The following FRAS1 variants were observed in gnomAD, a reference collection of about 807,000 sequenced individuals.
The protein encoded by FRAS1 is extracellular matrix organizing protein FRAS1.
A neutral mutation model predicts 435.2 loss-of-function variants in FRAS1; 290 were observed. That is an observed-to-expected ratio of 0.67 (90% confidence interval 0.61 to 0.73). The LOEUF is 0.73. Ranked by LOEUF, FRAS1 falls within the 30% of genes least tolerant of loss-of-function variation. The pLI is 0.00. For missense variants in FRAS1, 4,860 were observed against 5,001.5 expected (o/e 0.97, Z 0.85); for synonymous variants, 1,800 against 1,851.0 (o/e 0.97, Z 0.71).
chr4:78,118,143 C>T (rs1455833310), intron 2 of FRAS1, among the ~76,000 whole-genome samples: 1 of 152,222 alleles, frequency 6.6e-6, no homozygotes, highest in Non-Finnish European at 1.5e-5. Flanking sequence ...TGCAGAACAG[C>T]AGATATTGGT....
At chr4:78,098,682 T>C (rs1244973932) in intron 2 of FRAS1, among the ~76,000 whole-genome samples, 3 of 152,234 alleles carry the variant, frequency 2.0e-5, no homozygotes, top group Non-Finnish European at 4.4e-5. Context: ...TTTGATGACA[T>C]GCACTAACGT....
At chr4:78,432,639 C>A (rs183629011) in intron 38 of FRAS1, 35 bp downstream of exon 38, 4 of 1,523,586 alleles carry the variant, frequency 2.6e-6, no homozygotes, top group Non-Finnish European at 3.5e-6. Flanking sequence ...TGTTCTCCAC[C>A]GCCGCATCTT....
chr4:78,486,695 C>T (rs886459754), intron 58 of FRAS1, among the ~76,000 whole-genome samples: 1 of 152,154 alleles, frequency 6.6e-6, no homozygotes, highest in Non-Finnish European at 1.5e-5. Context: ...TGCTAAATCT[C>T]TTCCTGAAAC....
intron 47 of FRAS1, among the ~76,000 whole-genome samples, chr4:78,458,801 C>T (rs1204917106): frequency 1.3e-5 from 2 of 152,174 alleles, no homozygotes; most frequent in African/African-American, 2.4e-5. Flanking sequence ...ATGTCATCCA[C>T]CATTTTATCT....
At chr4:78,436,648 G>A (rs530616008) in intron 38 of FRAS1, among the ~76,000 whole-genome samples, 1 of 151,866 alleles carries the variant, frequency 6.6e-6, no homozygotes, top group Non-Finnish European at 1.5e-5. Context: ...TTATAGCGAC[G>A]TCCAACAGTA....
At position 78,218,092 on chromosome 4, in the gene FRAS1, T is replaced by A. The variant is rs751998498; in HGVS notation, c.109-19418T>A. Among the ~76,000 whole-genome samples the A allele has an allele frequency of 5.3e-3, 50 of 9,510 alleles. 3 individuals carry two copies. The South Asian group carries it at 0.11, about 20-fold the overall frequency. The allele number at this position is 9,510 out of a possible 152,430, so 6.2% of individuals were successfully genotyped here. A position where few individuals can be genotyped will look rare whatever the true frequency, so the allele number is the denominator to read the frequency against. On this transcript the variant is annotated intron_variant, in intron 2 of 73. Transcript: ENST00000512123. ...TCTCTCCCTTCTCTCTCTCTCTCAC[T>A]CTCTCTCACACACACACACACACAC...
intron 9 of FRAS1, among the ~76,000 whole-genome samples, chr4:78,275,769 T>A (rs922184325): frequency 5.3e-5 from 8 of 152,242 alleles, no homozygotes; most frequent in Admixed American, 3.9e-4. Context: ...ATTTCAACTT[T>A]GGTGAATCTG....
chr4:78,303,804 G>C (rs1321525679), intron 14 of FRAS1, among the ~76,000 whole-genome samples: 1 of 150,670 alleles, frequency 6.6e-6, no homozygotes, highest in Non-Finnish European at 1.5e-5. Flanking sequence ...TCTGCAAACA[G>C]GTACAATTTG....
intron 2 of FRAS1, among the ~76,000 whole-genome samples, chr4:78,216,712 C>T (rs1723783096): frequency 2.0e-5 from 3 of 152,038 alleles, no homozygotes; most frequent in Non-Finnish European, 4.4e-5. Flanking sequence ...TTTTTAGTGC[C>T]ATGAAGCGAA....
At chr4:78,182,734 G>C (rs1223432461) in intron 2 of FRAS1, among the ~76,000 whole-genome samples, 1 of 152,052 alleles carries the variant, frequency 6.6e-6, no homozygotes, top group Admixed American at 6.5e-5. Flanking sequence ...AAAAAAATTA[G>C]CTGGACATGG....
intron 2 of FRAS1, among the ~76,000 whole-genome samples, chr4:78,081,875 C>T (rs1168684849): frequency 6.6e-6 from 1 of 152,086 alleles, no homozygotes; most frequent in Non-Finnish European, 1.5e-5. Flanking sequence ...CATTCTCCTT[C>T]CTTACGCCAT....
chr4:78,320,947 G>C (rs1022340197), intron 18 of FRAS1, among the ~76,000 whole-genome samples: 1 of 152,140 alleles, frequency 6.6e-6, no homozygotes, highest in African/African-American at 2.4e-5. Context: ...TTTCCCATTG[G>C]TACAGTGCTC....
intron 2 of FRAS1, among the ~76,000 whole-genome samples, chr4:78,067,708 A>ATTATTATTATTATTATTATTATTG (rs751750821): frequency 2.2e-5 from 3 of 135,674 alleles, no homozygotes; most frequent in South Asian, 2.3e-4. Context: ...TATTATTATT[A>ATTATTATTATTATTATTATTATTG]TTATTTGTAA....
chr4:78,231,415 G>C (rs979186167), intron 2 of FRAS1, among the ~76,000 whole-genome samples: 1 of 151,728 alleles, frequency 6.6e-6, no homozygotes, highest in African/African-American at 2.4e-5. Context: ...TCACTTACTG[G>C]TTTATATAAT....
chr4:78,271,070 T>C (rs1726651541), intron 9 of FRAS1, among the ~76,000 whole-genome samples: 3 of 152,224 alleles, frequency 2.0e-5, no homozygotes, highest in Non-Finnish European at 2.9e-5. Context: ...TCTATAATGC[T>C]ACCAAAGACA....
At chr4:78,367,012 TC>T (rs1331367704) in intron 22 of FRAS1, among the ~76,000 whole-genome samples, 1 of 152,120 alleles carries the variant, frequency 6.6e-6, no homozygotes, top group Non-Finnish European at 1.5e-5. Context: ...CATAAAGTCT[TC>T]CAGCAATTCA....
Position 78,540,760 on chromosome 4 carries a change from A to C in FRAS1, c.11675A>C (p.Glu3892Ala). 1 of 1,613,874 alleles carries C rather than the reference A, an allele frequency of 6.2e-7. No homozygotes were observed. Among genetic ancestry groups the C allele is most frequent in the Non-Finnish European group, 8.5e-7 (1 of 1,179,810 alleles). The change falls in exon 74 of 74, where the codon GAG becomes GCG. Residue 3892 changes from glutamate to alanine, a missense_variant. Glu to Ala is a moderately radical substitution (Grantham distance 107). Transcript: ENST00000512123. ...AAGTCCCTGAATCTGGAGATGCAAG[A>C]GTTGGCGGTAGCTGCGTCCCTGTCA... ...NMKSLNLEMQ[E>A]LAVAASLSQT... is the part of the protein sequence containing the mutation.
At position 78,248,711 on chromosome 4, in the gene FRAS1, T is replaced by A. The variant is rs78725664; in HGVS notation, c.309+3386T>A. On this transcript the variant is annotated intron_variant, in intron 4 of 73. Coordinates refer to ENST00000512123, the MANE Select transcript of FRAS1 (RefSeq NM_025074.7). ...ATAACTCCATAACAGGAACAAATTATATGAAGAAAAATTGTATTTTTGTTC... is the reference window on the plus strand; with the variant it reads ...ATAACTCCATAACAGGAACAAATTAAATGAAGAAAAATTGTATTTTTGTTC... Among the ~76,000 whole-genome samples, 1,365 of 152,246 alleles carry A rather than the reference T, an allele frequency of 9.0e-3. 10 individuals carry two copies. The highest frequency in any genetic ancestry group is 0.014 in the Non-Finnish European group (966 of 68,018).
chr4:78,489,013 T>G lies in FRAS1; in HGVS notation c.8891T>G (p.Val2964Gly), dbSNP rs978245249. ...TATACTCAGAGCCATTCCGCTCAGG[T>G]CATGGAGGACTTTGAGGAGAGACAA... ...RCYTQSHSAQVMEDFEERQNA... is the reference protein window; with the variant it reads ...RCYTQSHSAQGMEDFEERQNA... Residue 2964 changes from valine to glycine, a missense_variant, in exon 59 of 74, where the codon GTC becomes GGC. Transcript: ENST00000512123. 5.0e-6 allele frequency: 8 copies of G among 1,613,720 alleles called. No homozygotes were observed. The highest frequency in any genetic ancestry group is 6.8e-6 in the Non-Finnish European group (8 of 1,179,752).
Sources: allele counts gnomAD v4.1 joint callset (sites outside exome capture counted in the v4.1 genomes callset), GRCh38; gene constraint gnomAD v4.1.1; transcripts MANE v1.5; gene names NCBI Gene and HGNC (gene_info 2026-07-23, HGNC 2026-07-21).